IRAK2: variants seen among roughly 807,000 people sequenced by gnomAD.
The protein encoded by IRAK2 is interleukin-1 receptor-associated kinase-like 2.
In IRAK2, 57 loss-of-function variants were observed where a neutral mutation model predicts 72.0. The observed-to-expected ratio is 0.79, with a 90% CI of 0.64 to 0.99. The LOEUF (loss-of-function observed/expected upper bound fraction) is 0.99, where lower values mean the gene tolerates loss of function less well. Among genes scored for constraint, IRAK2 ranks in the 50% least tolerant of loss-of-function variants. The probability of loss-of-function intolerance (pLI) is 0.00; values close to 1 mark genes in which losing one functional copy is unlikely to be tolerated. For missense variants in IRAK2, 790 were observed against 794.4 expected (o/e 0.99, Z 0.07); for synonymous variants, 293 against 312.7 (o/e 0.94, Z 0.67).
At chr3:10,210,822 G>A (rs1173422838) in intron 4 of IRAK2, among the ~76,000 whole-genome samples, 1 of 152,162 alleles carries the variant, frequency 6.6e-6, no homozygotes. Context: ...GACCAACCTG[G>A]GCAACAGTGT....
intron 7 of IRAK2, among the ~76,000 whole-genome samples, chr3:10,219,327 GT>G (rs59383165): frequency 2.0e-5 from 3 of 149,962 alleles, no homozygotes. Context: ...TTTTGTTTTT[GT>G]TTTTTTTTGA....
chr3:10,210,782 T>G (rs56111270), intron 4 of IRAK2, among the ~76,000 whole-genome samples: 52,639 of 152,134 alleles, frequency 0.35, 9,424 homozygotes, highest in Admixed American at 0.41. Context: ...GAGGTTGGTA[T>G]GGGAGGTTCA....
intron 1 of IRAK2, among the ~76,000 whole-genome samples, chr3:10,172,039 C>CA (rs1295024099): frequency 6.6e-6 from 1 of 152,022 alleles, no homozygotes; most frequent in Non-Finnish European, 1.5e-5. Flanking sequence ...AGTTCGAAAC[C>CA]AGCCTGGCCA....
intron 10 of IRAK2, among the ~76,000 whole-genome samples, chr3:10,233,283 C>T (rs1192306262): frequency 6.6e-6 from 1 of 152,076 alleles, no homozygotes; most frequent in African/African-American, 2.4e-5. Context: ...AACTCCTGAC[C>T]TCGAGTGATC....
rs1697550408 is a variant in IRAK2 at position 10,213,225 on chromosome 3, C to T, written c.547C>T (p.Pro183Ser). Reference sequence around the variant, plus strand: ...TCTCCAGGACTTCAGCACCTCCATTCCTAAGCAGGAAAAACTTTTGAGCTT... The same window carrying T: ...TCTCCAGGACTTCAGCACCTCCATTTCTAAGCAGGAAAAACTTTTGAGCTT... ...SDSKDFSTSIPKQEKLLSLAG... is the reference protein window; with the variant it reads ...SDSKDFSTSISKQEKLLSLAG... Residue 183 changes from proline (P) to serine (S), a missense_variant, in exon 5 of 13, where the codon CCT becomes TCT. Coordinates refer to ENST00000256458, the MANE Select transcript of IRAK2 (RefSeq NM_001570.4). 3.7e-6 allele frequency: 6 copies of T among 1,614,132 alleles called. No individual in the cohort carries two copies. Among genetic ancestry groups the T allele is most frequent in the Non-Finnish European group, 5.1e-6 (6 of 1,179,998 alleles).
At chr3:10,193,508 A>G (rs570983259) in intron 2 of IRAK2, among the ~76,000 whole-genome samples, 56 of 152,324 alleles carry the variant, frequency 3.7e-4, no homozygotes, top group African/African-American at 1.3e-3. Flanking sequence ...CTGTGGTCTC[A>G]GCTACTTGGG....
chr3:10,177,978 T>A lies in IRAK2; in HGVS notation c.235T>A (p.Cys79Ser), dbSNP rs374194703. 4.0e-5 allele frequency: 64 copies of A among 1,613,426 alleles called. No homozygotes were observed. The highest frequency in any genetic ancestry group is 5.3e-5 in the Non-Finnish European group (62 of 1,179,936). Reference sequence around the variant, plus strand: ...CGTCCAGCAACTTGTGGACCTCCTGTGCCGCCTGGAGCTCTACCGGGCTGC... The same window carrying A: ...CGTCCAGCAACTTGTGGACCTCCTGAGCCGCCTGGAGCTCTACCGGGCTGC... Reference protein sequence around the residue: ...ATVQQLVDLLCRLELYRAAQI... With the variant: ...ATVQQLVDLLSRLELYRAAQI... The change falls in exon 2 of 13, where the codon TGC becomes AGC. Residue 79 changes from cysteine to serine, a missense_variant. Physicochemically the swap from Cys to Ser is moderately radical, Grantham distance 112 (BLOSUM62 -1). Transcript: ENST00000256458.
intron 4 of IRAK2, among the ~76,000 whole-genome samples, chr3:10,211,659 T>C (rs927796344): frequency 6.6e-6 from 1 of 152,074 alleles, no homozygotes; most frequent in Non-Finnish European, 1.5e-5. Flanking sequence ...GATACCAGTT[T>C]TGTTAAATAA....
intron 2 of IRAK2, among the ~76,000 whole-genome samples, chr3:10,187,263 C>G (rs1050351614): frequency 6.6e-6 from 1 of 152,078 alleles, no homozygotes; most frequent in African/African-American, 2.4e-5. Flanking sequence ...TAAAATGAAG[C>G]CCTTTTTATC....
At position 10,214,074 on chromosome 3, in the gene IRAK2, G is replaced by A. The variant is rs547754717; in HGVS notation, c.788+526G>A. The stretch of plus-strand genomic sequence containing the variant: ...CTCCCGAGTAGCTGGGATTACAGGC[G>A]TGCGCCACCAGGCCCGGCTAATTTT... On this transcript the variant is annotated intron_variant, in intron 6 of 12. Transcript: ENST00000256458. Among the ~76,000 whole-genome samples the A allele has an allele frequency of 3.3e-5, 5 of 152,122 alleles. 1 individual carries two copies. Among genetic ancestry groups the A allele is most frequent in the Admixed American group, 2.0e-4 (3 of 15,266 alleles).
chr3:10,219,451 T>G (rs1379233948), intron 7 of IRAK2, among the ~76,000 whole-genome samples: 3 of 138,174 alleles, frequency 2.2e-5, no homozygotes, highest in Admixed American at 2.1e-4. Context: ...CCCAAATAGC[T>G]GGGACTACAG....
At chr3:10,227,716 T>G (rs1468201800) in intron 10 of IRAK2, among the ~76,000 whole-genome samples, 1 of 150,964 alleles carries the variant, frequency 6.6e-6, no homozygotes, top group Non-Finnish European at 1.5e-5. Flanking sequence ...TCGCCCAGGC[T>G]GCAGTGCAGT....
chr3:10,165,239 T>G (rs1696662426), intron 1 of IRAK2, among the ~76,000 whole-genome samples, 191 bp downstream of exon 1: 1 of 152,190 alleles, frequency 6.6e-6, no homozygotes, highest in Non-Finnish European at 1.5e-5. Context: ...GCGTGGTCTC[T>G]GAGGACGTCT....
intron 1 of IRAK2, among the ~76,000 whole-genome samples, chr3:10,171,434 G>C (rs1264621037): frequency 1.3e-5 from 2 of 152,104 alleles, no homozygotes; most frequent in Non-Finnish European, 2.9e-5. Flanking sequence ...CCCCACCCAG[G>C]GAGGGGTGTG....
At chr3:10,187,644 C>T (rs1024264619) in intron 2 of IRAK2, among the ~76,000 whole-genome samples, 2 of 152,240 alleles carry the variant, frequency 1.3e-5, no homozygotes, top group Non-Finnish European at 1.5e-5. Flanking sequence ...TGGAGATTTA[C>T]AATGCATACC....
At position 10,168,215 on chromosome 3, in the gene IRAK2, AT is replaced by A. The variant is rs552806898; in HGVS notation, c.94+3180del. On this transcript the variant is annotated intron_variant, in intron 1 of 12. Coordinates refer to ENST00000256458, the MANE Select transcript of IRAK2 (RefSeq NM_001570.4). ...CATGTGTTATTTTTTTCTTTTTTTA[AT>A]TTTTTTTTTTTTGAGACAGAGTCTC... Among the ~76,000 whole-genome samples, 268 of 144,144 alleles carry A rather than the reference AT, an allele frequency of 1.9e-3. 6 individuals carry two copies. In the South Asian group the frequency reaches 0.043, roughly 23 times the overall value. 94.6% of individuals were successfully genotyped at this position (144,144 alleles called of 152,430 possible). A position where few individuals can be genotyped will look rare whatever the true frequency, so the allele number is the denominator to read the frequency against.
chr3:10,223,157 C>G (rs180771844), intron 9 of IRAK2, among the ~76,000 whole-genome samples: 1 of 152,352 alleles, frequency 6.6e-6, no homozygotes, highest in East Asian at 1.9e-4. Context: ...AGGAAAACCA[C>G]TCATGAGTGT....
At chr3:10,215,566 T>G (rs1214017651) in intron 6 of IRAK2, among the ~76,000 whole-genome samples, 1 of 152,130 alleles carries the variant, frequency 6.6e-6, no homozygotes, top group Non-Finnish European at 1.5e-5. Flanking sequence ...AAACTTTTTT[T>G]GTAGAGACAC....
At chr3:10,176,006 C>T (rs1361701746) in intron 1 of IRAK2, among the ~76,000 whole-genome samples, 1 of 151,064 alleles carries the variant, frequency 6.6e-6, no homozygotes, top group Non-Finnish European at 1.5e-5. Context: ...GGGGAAGTAC[C>T]CTAATGGCCT....
Sources: allele counts gnomAD v4.1 joint callset (sites outside exome capture counted in the v4.1 genomes callset), GRCh38; gene constraint gnomAD v4.1.1; transcripts MANE v1.5; gene names NCBI Gene and HGNC (gene_info 2026-07-23, HGNC 2026-07-21).